The following SAMMSON variants were observed in gnomAD, a reference collection of about 807,000 sequenced individuals.
SAMMSON encodes long intergenic non-protein coding RNA 1212.
intron 4 of SAMMSON, among the ~76,000 whole-genome samples, chr3:70,231,845 GCT>G (rs1393733157): frequency 6.6e-6 from 1 of 152,126 alleles, no homozygotes; most frequent in Non-Finnish European, 1.5e-5. Flanking sequence ...TCATCTGGAA[GCT>G]ACTAAACAGG....
intron 7 of SAMMSON, among the ~76,000 whole-genome samples, chr3:70,324,461 T>G (rs1702563977): frequency 1.5e-5 from 1 of 66,336 alleles, no homozygotes; most frequent in South Asian, 3.6e-4. Flanking sequence ...CAAATATATT[T>G]GAGAAACTGA....
intron 7 of SAMMSON, among the ~76,000 whole-genome samples, chr3:70,305,049 C>T (rs1702386667): frequency 6.6e-6 from 1 of 152,142 alleles, no homozygotes; most frequent in African/African-American, 2.4e-5. Context: ...GCTCAAATAA[C>T]TTTCCCACAG....
intron 6 of SAMMSON, among the ~76,000 whole-genome samples, chr3:70,274,802 G>T (rs7428021): frequency 0.96 from 146,134 of 152,300 alleles, 70,195 homozygotes; most frequent in African/African-American, 0.98. Context: ...AAATTGAATA[G>T]GTATTAAGGA....
intron 1 of SAMMSON, among the ~76,000 whole-genome samples, chr3:70,007,113 T>G (rs920083853): frequency 1.3e-5 from 2 of 152,156 alleles, no homozygotes; most frequent in Non-Finnish European, 2.9e-5. Context: ...AACATATGTG[T>G]GCATGTGTCT....
chr3:70,401,443 T>A (rs987774628), intron 2 of SAMMSON, among the ~76,000 whole-genome samples: 1 of 152,200 alleles, frequency 6.6e-6, no homozygotes, highest in African/African-American at 2.4e-5. Flanking sequence ...ACATGAATGT[T>A]CTTTGGATAA....
rs191047699 is a variant in SAMMSON at position 70,358,053 on chromosome 3, A to G, written n.843-201A>G. On this transcript the variant is annotated intron_variant and non_coding_transcript_variant, in intron 8 of 9. Coordinates refer to ENST00000642114, the Ensembl canonical transcript of SAMMSON. ...AGTCAGTTCGTACAGTTCCCAAGAA[A>G]TGACTGTTAAATTTGCAGTGGTTTT... is the stretch of plus-strand genomic sequence containing the variant. Among the ~76,000 whole-genome samples, 11 of 152,258 alleles carry G rather than the reference A, an allele frequency of 7.2e-5. No individual in the cohort carries two copies. The East Asian group carries it at 2.1e-3, about 29-fold the overall frequency.
chr3:70,370,172 C>T (rs2106745389), intron 9 of SAMMSON, among the ~76,000 whole-genome samples: 1 of 152,028 alleles, frequency 6.6e-6, no homozygotes, highest in African/African-American at 2.4e-5. Flanking sequence ...AATAGTATTC[C>T]ACCGTATATA....
intron 4 of SAMMSON, chr3:70,172,467 TA>T (rs1179591297): frequency 4.0e-5 from 6 of 151,860 alleles, no homozygotes; most frequent in South Asian, 2.1e-4. Context: ...TTCAAAGGGG[TA>T]AAAAGTTCAT....
At chr3:70,004,829 C>G (rs992003674) in intron 1 of SAMMSON, among the ~76,000 whole-genome samples, 1 of 152,170 alleles carries the variant, frequency 6.6e-6, no homozygotes, top group Non-Finnish European at 1.5e-5. Flanking sequence ...GAGTATCTTT[C>G]TCTGATCACG....
In SAMMSON at chr3:70,051,711, T is replaced by C. The variant is rs551755972; in HGVS notation, n.418-19765T>C. Among the ~76,000 whole-genome samples, 7 of 149,414 alleles carry C rather than the reference T, an allele frequency of 4.7e-5. No individual in the cohort carries two copies. The East Asian group carries it at 1.4e-3, about 31-fold the overall frequency. On this transcript the variant is annotated intron_variant and non_coding_transcript_variant, in intron 3 of 9. Transcript: ENST00000642114. ...AAAAATTGTAGAGTGTCTCATTAGA[T>C]CTCTTTCCATTTCTATTAACTTAAT...
chr3:70,173,738 A>G (rs923279807), intron 4 of SAMMSON, among the ~76,000 whole-genome samples: 12 of 152,010 alleles, frequency 7.9e-5, no homozygotes, highest in Middle Eastern at 3.2e-3. Context: ...CATATTTGCC[A>G]GGTAAAAATC....
chr3:70,216,514 A>C (rs1701413880), intron 4 of SAMMSON, among the ~76,000 whole-genome samples: 1 of 152,066 alleles, frequency 6.6e-6, no homozygotes, highest in Admixed American at 6.6e-5. Flanking sequence ...ATAACTAGTA[A>C]GTGATGGAGC....
At chr3:70,186,575 C>A (rs1189053660) in intron 4 of SAMMSON, among the ~76,000 whole-genome samples, 3 of 152,108 alleles carry the variant, frequency 2.0e-5, no homozygotes, top group Non-Finnish European at 4.4e-5. Flanking sequence ...GCACACTCAA[C>A]CATAGGAATT....
intron 1 of SAMMSON, among the ~76,000 whole-genome samples, chr3:70,003,634 T>C (rs545887195): frequency 3.4e-4 from 52 of 152,058 alleles, no homozygotes; most frequent in African/African-American, 1.2e-3. Flanking sequence ...ATTTTAATTT[T>C]ATATATTACA....
chr3:70,015,730 C>G (rs1471439655), intron 3 of SAMMSON, among the ~76,000 whole-genome samples: 2 of 151,458 alleles, frequency 1.3e-5, no homozygotes, highest in Non-Finnish European at 2.9e-5. Context: ...CACCCCACGA[C>G]AGGCCCCGGT....
chr3:70,015,738 G>A (rs547712709), intron 3 of SAMMSON, among the ~76,000 whole-genome samples: 8 of 150,976 alleles, frequency 5.3e-5, no homozygotes, highest in South Asian at 2.1e-4. Context: ...GACAGGCCCC[G>A]GTGTGTGATG....
intron 4 of SAMMSON, among the ~76,000 whole-genome samples, chr3:70,186,003 A>G (rs111954455): frequency 1.2e-3 from 175 of 152,154 alleles, no homozygotes; most frequent in Non-Finnish European, 2.1e-3. Flanking sequence ...CAAAAATTTT[A>G]TGCCATAGTC....
intron 4 of SAMMSON, among the ~76,000 whole-genome samples, chr3:70,232,851 G>T (rs908037319): frequency 7.2e-5 from 11 of 151,988 alleles, no homozygotes; most frequent in Admixed American, 4.6e-4. Flanking sequence ...CAGAAAGAAG[G>T]AAAAAAATCT....
chr3:70,286,351 CA>C (rs1702162505), intron 6 of SAMMSON, among the ~76,000 whole-genome samples: 1 of 152,062 alleles, frequency 6.6e-6, no homozygotes, highest in Non-Finnish European at 1.5e-5. Flanking sequence ...TCAGGTTTGT[CA>C]AAGATCAGAT....
Sources: gnomAD v4.1 joint callset for allele counts (sites outside exome capture counted in the v4.1 genomes callset) on GRCh38, gnomAD v4.1.1 for gene constraint, MANE v1.5 for transcripts, NCBI Gene and HGNC (gene_info 2026-07-23, HGNC 2026-07-21) for gene names.